CAST: variants seen among roughly 807,000 people sequenced by gnomAD.
The protein encoded by CAST is calpastatin, also known as MIR583 host.
A neutral mutation model predicts 119.6 loss-of-function variants in CAST; 76 were observed. That is an observed-to-expected ratio of 0.64 (90% CI 0.53 to 0.77). The LOEUF is 0.77. Among genes scored for constraint, CAST ranks in the 30% least tolerant of loss-of-function variants. The probability of loss-of-function intolerance (pLI) is 0.00; values close to 1 mark genes in which losing one functional copy is unlikely to be tolerated. For synonymous variants in CAST, 319 were observed against 331.6 expected, an observed-to-expected ratio of 0.96 and a Z score of 0.41; for missense variants, 953 against 946.5, an observed-to-expected ratio of 1.01 and a Z score of -0.09.
At chr5:96,471,489 C>G in the CAST span, among the ~76,000 whole-genome samples, 3 of 152,272 alleles carry the variant, frequency 2.0e-5, no homozygotes, top group Admixed American at 2.0e-4. Flanking sequence ...GTAAAAACGA[C>G]TGCTACACAA....
intron 15 of CAST, chr5:96,742,375 T>C (rs981846506): frequency 7.8e-5 from 23 of 293,028 alleles, no homozygotes; most frequent in Non-Finnish European, 1.5e-4. Context: ...TTTATAGTAA[T>C]ATTACTATAG....
chr5:96,064,524 T>C, the CAST span, among the ~76,000 whole-genome samples: 3 of 152,150 alleles, frequency 2.0e-5, no homozygotes, highest in South Asian at 2.1e-4. Context: ...TTTAAATTGA[T>C]AATTAAATTT....
chr5:95,971,847 G>T, the CAST span, among the ~76,000 whole-genome samples: 1 of 152,132 alleles, frequency 6.6e-6, no homozygotes, highest in African/African-American at 2.4e-5. Flanking sequence ...TTAGCTGCCA[G>T]CTGAAGGATA....
In CAST at chr5:96,765,317, A is replaced by G; in HGVS notation, c.2029A>G (p.Lys677Glu). The change falls in exon 26 of 32, where the codon AAA becomes GAA. Residue 677 changes from lysine to glutamate, a missense_variant. Lys to Glu is a moderately conservative substitution (Grantham distance 56, BLOSUM62 1). Coordinates refer to ENST00000675179, the MANE Select transcript of CAST (RefSeq NM_001750.7). ...DPDENKPMED[K>E]VKEKAKAEHR... ...AGATGAGAACAAACCAATGGAAGAT[A>G]AAGTAAAGGTAAAAAAAAAAAAAAA... is the stretch of plus-strand genomic sequence containing the variant. 7.5e-7 allele frequency: 1 copy of G among 1,328,842 alleles called. No homozygotes were observed. The highest frequency in any genetic ancestry group is 1.1e-6 in the Non-Finnish European group (1 of 949,022). The allele number at this position is 1,328,842 out of a possible 1,614,324, so 82.3% of individuals were successfully genotyped here.
At chr5:96,217,034 AT>A in the CAST span, among the ~76,000 whole-genome samples, 1 of 151,734 alleles carries the variant, frequency 6.6e-6, no homozygotes, top group Non-Finnish European at 1.5e-5. Context: ...TAAAATTATT[AT>A]TTTTTTATTT....
the CAST span, among the ~76,000 whole-genome samples, chr5:96,063,857 T>A: frequency 6.6e-6 from 1 of 152,154 alleles, no homozygotes; most frequent in Non-Finnish European, 1.5e-5. Context: ...AGATTTGAGA[T>A]TTATCATTCT....
the CAST span, among the ~76,000 whole-genome samples, chr5:96,011,361 G>A: frequency 6.6e-6 from 1 of 152,178 alleles, no homozygotes; most frequent in African/African-American, 2.4e-5. Flanking sequence ...GAAAAGAAGG[G>A]CAACAACTAA....
At chr5:96,361,159 G>T in the CAST span, among the ~76,000 whole-genome samples, 1 of 152,196 alleles carries the variant, frequency 6.6e-6, no homozygotes, top group Non-Finnish European at 1.5e-5. Context: ...TCAAGCCTCA[G>T]TAATGGTGGA....
At chr5:96,640,135 T>C (rs1747932939) in intron 1 of CAST, among the ~76,000 whole-genome samples, 1 of 152,214 alleles carries the variant, frequency 6.6e-6, no homozygotes, top group African/African-American at 2.4e-5. Context: ...GGCTGTTGAA[T>C]TATCCAAAAG....
intron 1 of CAST, chr5:96,546,337 G>C (rs887942532): frequency 6.6e-6 from 1 of 152,052 alleles, no homozygotes; most frequent in Non-Finnish European, 1.5e-5. Context: ...TTACTTATTG[G>C]CTCTGCCCAA....
At chr5:96,478,793 A>G in the CAST span, among the ~76,000 whole-genome samples, 2 of 152,246 alleles carry the variant, frequency 1.3e-5, no homozygotes, top group African/African-American at 4.8e-5. Flanking sequence ...TGCACCCTCC[A>G]GAAACCATAA....
At chr5:96,296,349 A>C in the CAST span, among the ~76,000 whole-genome samples, 1 of 152,170 alleles carries the variant, frequency 6.6e-6, no homozygotes, top group East Asian at 1.9e-4. Context: ...AGTCCCTTTA[A>C]AATGTGTTAC....
At chr5:96,408,134 C>T in the CAST span, 1 of 922,110 alleles carries the variant, frequency 1.1e-6, no homozygotes, top group Non-Finnish European at 1.7e-6. Context: ...AAAATTTCTC[C>T]TGTAACCATG....
At chr5:96,144,103 T>C in the CAST span, among the ~76,000 whole-genome samples, 5 of 152,332 alleles carry the variant, frequency 3.3e-5, no homozygotes, top group South Asian at 1.0e-3. Context: ...ATTAGGTGTC[T>C]TGACGGCCAG....
At chr5:96,239,971 C>T in the CAST span, among the ~76,000 whole-genome samples, 2 of 151,950 alleles carry the variant, frequency 1.3e-5, no homozygotes, top group African/African-American at 2.4e-5. Flanking sequence ...TGTAATTTAA[C>T]CTCATTTGAC....
At chr5:96,329,880 T>C in the CAST span, among the ~76,000 whole-genome samples, 2 of 152,262 alleles carry the variant, frequency 1.3e-5, no homozygotes, top group African/African-American at 4.8e-5. Context: ...AATTAGGCTC[T>C]GAGCAGAGAT....
chr5:96,060,523 G>T, the CAST span, among the ~76,000 whole-genome samples: 3 of 151,998 alleles, frequency 2.0e-5, no homozygotes, highest in African/African-American at 7.3e-5. Flanking sequence ...CCAAGAAAAG[G>T]TAAAACATCC....
At chr5:96,507,828 A>C in the CAST span, among the ~76,000 whole-genome samples, 1 of 152,038 alleles carries the variant, frequency 6.6e-6, no homozygotes, top group South Asian at 2.1e-4. Flanking sequence ...TTTGTATCAA[A>C]ATTTTTTAAT....
chr5:96,521,382 CA>C (rs1745516536), upstream of CAST, among the ~76,000 whole-genome samples: 1 of 152,212 alleles, frequency 6.6e-6, no homozygotes, highest in Non-Finnish European at 1.5e-5. Flanking sequence ...GTCCTTCTCC[CA>C]TTGCTCCAGG....
Sources: gnomAD v4.1 joint callset for allele counts (sites outside exome capture counted in the v4.1 genomes callset) on GRCh38, gnomAD v4.1.1 for gene constraint, MANE v1.5 for transcripts, NCBI Gene and HGNC (gene_info 2026-07-23, HGNC 2026-07-21) for gene names.